INTU: variants seen among roughly 807,000 people sequenced by gnomAD.
INTU encodes the protein protein inturned.
A neutral mutation model predicts 100.5 loss-of-function variants in INTU; 68 were observed. The observed-to-expected ratio is 0.68, with a 90% CI of 0.56 to 0.83. The LOEUF is 0.83. Ranked by LOEUF, INTU falls within the 40% of genes least tolerant of loss-of-function variation. The pLI, the probability that INTU is intolerant of heterozygous loss-of-function variation, is 0.00. For missense variants in INTU, 1,071 were observed against 1,114.7 expected, an observed-to-expected ratio of 0.96 and a Z score of 0.56; for synonymous variants, 357 against 395.7, an observed-to-expected ratio of 0.90 and a Z score of 1.16.
intron 1 of INTU, among the ~76,000 whole-genome samples, chr4:127,635,786 T>C (rs1727041414): frequency 2.0e-5 from 3 of 152,364 alleles, no homozygotes; most frequent in South Asian, 2.1e-4. Flanking sequence ...AGTCTCCCCA[T>C]GTACCTACTT....
At chr4:127,690,822 T>C (rs1730086619) in intron 8 of INTU, among the ~76,000 whole-genome samples, 1 of 152,242 alleles carries the variant, frequency 6.6e-6, no homozygotes, top group Non-Finnish European at 1.5e-5. Flanking sequence ...ACAGTTGTTA[T>C]AATTGATGAA....
chr4:127,719,389 T>C lies in INTU; in HGVS notation c.*2953T>C, dbSNP rs1731312860. On this transcript the variant is annotated 3_prime_UTR_variant, in exon 16 of 16. Coordinates refer to ENST00000335251, the MANE Select transcript of INTU (RefSeq NM_015693.4). ...TGCTGCTGGATTCAGTTTGCCAGTG[T>C]TTTATTGAGAATTTTTACATTGATG... The C allele has an allele frequency of 6.6e-6, 1 of 152,188 alleles. No individual in the cohort carries two copies. The highest frequency in any genetic ancestry group is 1.5e-5 in the Non-Finnish European group (1 of 68,034). 9.4% of individuals were successfully genotyped at this position (152,188 alleles called of 1,614,324 possible).
intron 6 of INTU, among the ~76,000 whole-genome samples, chr4:127,684,068 A>G (rs953066765): frequency 6.6e-6 from 1 of 152,158 alleles, no homozygotes; most frequent in East Asian, 1.9e-4. Context: ...TGTAAAAACT[A>G]GTTTATTTGC....
chr4:127,650,673 A>G (rs1370218998), intron 2 of INTU, among the ~76,000 whole-genome samples: 2 of 151,976 alleles, frequency 1.3e-5, no homozygotes, highest in East Asian at 3.9e-4. Context: ...TAATGCCGCA[A>G]TAAACATACG....
chr4:127,675,932 T>G (rs1246965439), intron 6 of INTU: 1 of 322,164 alleles, frequency 3.1e-6, no homozygotes, highest in East Asian at 9.4e-5. Flanking sequence ...CAGCCCACAC[T>G]CATGGGGAGA....
intron 4 of INTU, among the ~76,000 whole-genome samples, chr4:127,665,599 A>G (rs1230222957): frequency 6.6e-6 from 1 of 152,108 alleles, no homozygotes; most frequent in Admixed American, 6.6e-5. Context: ...GTGGCTTAAC[A>G]TGATGAAAGT....
intron 14 of INTU, among the ~76,000 whole-genome samples, chr4:127,713,233 T>C (rs928928007): frequency 6.6e-6 from 1 of 152,158 alleles, no homozygotes; most frequent in Non-Finnish European, 1.5e-5. Context: ...TTAGGAGGCT[T>C]TCAAAATTCT....
Position 127,663,557 on chromosome 4 carries a change from G to GCTC in INTU, c.946_948dup (p.Leu316dup). 1 of 1,613,184 alleles carries GCTC rather than the reference G, an allele frequency of 6.2e-7. No individual in the cohort carries two copies. On this transcript the variant is annotated inframe_insertion, in exon 4 of 16. Transcript: ENST00000335251. ...ATATCATTATGTATCTCACACTACA[G>GCTC]CTCGACTCAGAAACCTCAAAGGAAG...
At chr4:127,681,323 G>A (rs1303337642) in intron 6 of INTU, among the ~76,000 whole-genome samples, 1 of 151,056 alleles carries the variant, frequency 6.6e-6, no homozygotes, top group Non-Finnish European at 1.5e-5. Context: ...GAACAAAGCT[G>A]GAGGCATCAC....
chr4:127,643,498 A>G, intron 1 of INTU, 23 bp from the exon 2 acceptor site: 2 of 1,551,580 alleles, frequency 1.3e-6, no homozygotes, highest in Non-Finnish European at 1.7e-6. Context: ...TGCTATTAAG[A>G]TTATCTTTTC....
chr4:127,711,153 C>G (rs771290899), intron 14 of INTU, 51 bp downstream of exon 14: 5 of 1,337,178 alleles, frequency 3.7e-6, no homozygotes, highest in Non-Finnish European at 5.1e-6. Flanking sequence ...TTCCAGATCT[C>G]TAAGCATTCT....
chr4:127,688,560 G>A (rs2126233007), intron 8 of INTU, among the ~76,000 whole-genome samples: 1 of 152,252 alleles, frequency 6.6e-6, no homozygotes, highest in Non-Finnish European at 1.5e-5. Flanking sequence ...CCTAGGCTAT[G>A]TTACAGTAGA....
At position 127,708,608 on chromosome 4, in the gene INTU, A is replaced by G. The variant is rs1044631827; in HGVS notation, c.2309A>G (p.His770Arg). ...KKKSTLPNPFHLGNLKKDLPE... is the reference protein window; with the variant it reads ...KKKSTLPNPFRLGNLKKDLPE... Reference sequence around the variant, plus strand: ...AAGTCTACTCTTCCAAATCCATTTCATTTGGGAAACTTGAAAAAGGACCTT... The same window carrying G: ...AAGTCTACTCTTCCAAATCCATTTCGTTTGGGAAACTTGAAAAAGGACCTT... Residue 770 changes from histidine (H) to arginine (R), a missense_variant, in exon 13 of 16, where the codon CAT (histidine) becomes CGT (arginine). By Grantham distance (29) the His-to-Arg change is conservative (BLOSUM62 0). Transcript: ENST00000335251. 5 of 1,599,890 alleles carry G rather than the reference A, an allele frequency of 3.1e-6. No homozygotes were observed. The highest frequency in any genetic ancestry group is 1.7e-5 in the Admixed American group (1 of 59,088).
At chr4:127,662,221 C>A (rs1728507822) in intron 3 of INTU, among the ~76,000 whole-genome samples, 1 of 151,998 alleles carries the variant, frequency 6.6e-6, no homozygotes, top group Non-Finnish European at 1.5e-5. Context: ...TTTCTCCCAT[C>A]CTGTAGGTTG....
chr4:127,669,385 A>G (rs1728826270), intron 5 of INTU, among the ~76,000 whole-genome samples: 1 of 151,828 alleles, frequency 6.6e-6, no homozygotes. Flanking sequence ...TATTTCTACC[A>G]GTCATCTATT....
rs879211936 is a variant in INTU, at chr4:127,643,446, C to A, written c.147-75C>A. ...TCCTGCTCCCCAGCCCCAACCCTCACCCCCATGCCAGGATGACATACCTTT... is the reference window on the plus strand; with the variant it reads ...TCCTGCTCCCCAGCCCCAACCCTCAACCCCATGCCAGGATGACATACCTTT... On this transcript the variant is annotated intron_variant, in intron 1 of 15. Coordinates refer to ENST00000335251, the MANE Select transcript of INTU (RefSeq NM_015693.4). The A allele has an allele frequency of 1.4e-5, 17 of 1,235,514 alleles. No homozygotes were observed. In the South Asian group the frequency reaches 1.8e-4, roughly 13 times the overall value. The allele number at this position is 1,235,514 out of a possible 1,614,324, so 76.5% of individuals were successfully genotyped here. A position where few individuals can be genotyped will look rare whatever the true frequency, so the allele number is the denominator to read the frequency against.
At chr4:127,705,941 C>T (rs1458484344) in intron 11 of INTU, 129 bp downstream of exon 11, 2 of 667,828 alleles carry the variant, frequency 3.0e-6, no homozygotes, top group East Asian at 5.3e-5. Context: ...CACAAACATG[C>T]TCATGTAAAA....
At chr4:127,690,150 A>G (rs1730051261) in intron 8 of INTU, among the ~76,000 whole-genome samples, 1 of 152,170 alleles carries the variant, frequency 6.6e-6, no homozygotes, top group Non-Finnish European at 1.5e-5. Flanking sequence ...GTTCTAAAGT[A>G]TTGTCTATTT....
intron 6 of INTU, among the ~76,000 whole-genome samples, chr4:127,677,103 G>A (rs1046794567): frequency 1.3e-5 from 2 of 152,194 alleles, no homozygotes; most frequent in African/African-American, 2.4e-5. Context: ...CGGGAAGCTC[G>A]AACTGGGTGG....
Sources: allele counts gnomAD v4.1 joint callset (sites outside exome capture counted in the v4.1 genomes callset), GRCh38; gene constraint gnomAD v4.1.1; transcripts MANE v1.5; gene names NCBI Gene and HGNC (gene_info 2026-07-23, HGNC 2026-07-21).